The following SYN3 variants were observed in gnomAD, a reference collection of about 807,000 sequenced individuals.
The protein encoded by SYN3 is synapsin-3.
Under a neutral mutation model 65.8 loss-of-function variants are expected in SYN3, and 35 were observed. The ratio of observed to expected loss-of-function variants is 0.53; its 90% CI spans 0.41 to 0.70. SYN3 has a LOEUF of 0.70. Among genes scored for constraint, SYN3 ranks in the 30% least tolerant of loss-of-function variants. The probability of loss-of-function intolerance (pLI) is 0.00; values close to 1 mark genes in which losing one functional copy is unlikely to be tolerated. For missense variants in SYN3, 680 were observed against 749.0 expected (o/e 0.91, Z 1.08); for synonymous variants, 270 against 292.9 (o/e 0.92, Z 0.80).
At chr22:33,007,410 A>G (rs575433684) in intron 1 of SYN3, among the ~76,000 whole-genome samples, 2 of 152,206 alleles carry the variant, frequency 1.3e-5, no homozygotes, top group African/African-American at 2.4e-5. Flanking sequence ...TATTTTTCTA[A>G]TTTTCTAGAG....
chr22:32,569,537 ATCTCTCTCTCTC>A (rs142418236), intron 7 of SYN3, among the ~76,000 whole-genome samples: 4,231 of 113,496 alleles, frequency 0.037, 225 homozygotes, highest in African/African-American at 0.12. Context: ...AAATCAATCA[ATCTCTCTCTCTC>A]TCTCTCTCTC....
chr22:32,897,192 G>A (rs1045863788), intron 4 of SYN3, among the ~76,000 whole-genome samples: 14 of 152,116 alleles, frequency 9.2e-5, no homozygotes, highest in East Asian at 5.8e-4. Context: ...ACCTGGACCC[G>A]GCGCCCATGG....
At chr22:33,055,933 T>A (rs1322663408) in intron 1 of SYN3, among the ~76,000 whole-genome samples, 1 of 152,228 alleles carries the variant, frequency 6.6e-6, no homozygotes, top group African/African-American at 2.4e-5. Context: ...GATGAATGAA[T>A]GATTAATCAA....
chr22:32,858,188 C>T lies in SYN3; in HGVS notation c.711+6727G>A, dbSNP rs372614802. On this transcript the variant is annotated intron_variant, in intron 6 of 13. Transcript: ENST00000358763. ...AGGAGGGGAGGTGCTGACTTGCAGC[C>T]CTAGAAACATCAGCTCCCAATGCAC... 33 of 1,606,362 alleles carry T rather than the reference C, an allele frequency of 2.1e-5. No individual in the cohort carries two copies. The Admixed American group carries it at 2.2e-4, about 11-fold the overall frequency.
rs5749501 is a variant in SYN3, at chr22:32,745,511, T to C, written c.711+119404A>G. Among the ~76,000 whole-genome samples the C allele has an allele frequency of 6.0e-4, 91 of 152,338 alleles. No homozygotes were observed. The South Asian group carries it at 0.013, about 22-fold the overall frequency. On this transcript the variant is annotated intron_variant, in intron 6 of 13. Coordinates refer to ENST00000358763, the MANE Select transcript of SYN3 (RefSeq NM_003490.4). ...AATGTGCAGCTTTGGGCAGGGGCCT[T>C]GTCAGATTCCCTCAGTAGCTTCCCC...
At chr22:32,578,776 A>G (rs558650950) in intron 7 of SYN3, among the ~76,000 whole-genome samples, 1 of 152,320 alleles carries the variant, frequency 6.6e-6, no homozygotes, top group African/African-American at 2.4e-5. Context: ...TATTGTACAC[A>G]TTTTTGGAAA....
In SYN3 at chr22:32,599,731, T is replaced by C. The variant is rs1056733987; in HGVS notation, c.712-2995A>G. On this transcript the variant is annotated intron_variant, in intron 6 of 13. Transcript: ENST00000358763. ...AATAAATGCTCCCCACCCCCCATGATAGTGATCAATAAAATAATATCAAAT... is the reference window on the plus strand; with the variant it reads ...AATAAATGCTCCCCACCCCCCATGACAGTGATCAATAAAATAATATCAAAT... Among the ~76,000 whole-genome samples, 6 of 152,272 alleles carry C rather than the reference T, an allele frequency of 3.9e-5. No homozygotes were observed. In the South Asian group the frequency reaches 8.3e-4, roughly 21 times the overall value.
chr22:32,510,302 C>T lies in SYN3; in HGVS notation c.*3390G>A, dbSNP rs1049279301. On this transcript the variant is annotated 3_prime_UTR_variant, in exon 14 of 14. Transcript: ENST00000358763. ...AGATGCAGGTTCTGGGTCCTGTGACCAGAAATTCGGACTCCTTTAGTCCGA... is the reference window on the plus strand; with the variant it reads ...AGATGCAGGTTCTGGGTCCTGTGACTAGAAATTCGGACTCCTTTAGTCCGA... Among the ~76,000 whole-genome samples the T allele has an allele frequency of 5.9e-5, 9 of 152,222 alleles. No individual in the cohort carries two copies. Among genetic ancestry groups the T allele is most frequent in the African/African-American group, 2.2e-4 (9 of 41,448 alleles).
At chr22:32,643,064 T>C (rs2059926217) in intron 6 of SYN3, among the ~76,000 whole-genome samples, 2 of 151,928 alleles carry the variant, frequency 1.3e-5, no homozygotes, top group South Asian at 4.1e-4. Flanking sequence ...TTGAGGAAGT[T>C]ATTTGTTTGT....
chr22:32,743,553 T>C (rs2044838913), intron 6 of SYN3, among the ~76,000 whole-genome samples: 1 of 152,020 alleles, frequency 6.6e-6, no homozygotes, highest in African/African-American at 2.4e-5. Flanking sequence ...CCCACCTGCT[T>C]GGGAAGAGGT....
intron 3 of SYN3, among the ~76,000 whole-genome samples, chr22:32,969,856 C>T (rs570234009): frequency 2.0e-5 from 3 of 152,272 alleles, no homozygotes; most frequent in Admixed American, 6.5e-5. Context: ...ATCAAAGAGA[C>T]GTTAGAAATG....
chr22:32,586,835 G>A (rs1421021087), intron 7 of SYN3, among the ~76,000 whole-genome samples: 2 of 152,168 alleles, frequency 1.3e-5, no homozygotes, highest in Non-Finnish European at 2.9e-5. Context: ...CAACTTCATT[G>A]CAGAGGATGT....
chr22:32,958,322 G>A (rs1182131133), intron 3 of SYN3, among the ~76,000 whole-genome samples: 1 of 152,182 alleles, frequency 6.6e-6, no homozygotes, highest in East Asian at 1.9e-4. Context: ...GTCCGGAATG[G>A]CCTCCCAGTG....
At chr22:32,727,093 T>G (rs1370562450) in intron 6 of SYN3, among the ~76,000 whole-genome samples, 1 of 152,080 alleles carries the variant, frequency 6.6e-6, no homozygotes, top group Non-Finnish European at 1.5e-5. Flanking sequence ...ACCTAGGTAT[T>G]AAGCCCAGCA....
intron 6 of SYN3, chr22:32,802,196 G>C (rs2046607022): frequency 5.3e-6 from 8 of 1,521,722 alleles, no homozygotes; most frequent in Non-Finnish European, 7.0e-6. Flanking sequence ...GAGGCAGGGC[G>C]AGCCCCACTC....
intron 6 of SYN3, among the ~76,000 whole-genome samples, chr22:32,828,463 G>A (rs1362198683): frequency 6.6e-6 from 1 of 152,230 alleles, no homozygotes; most frequent in African/African-American, 2.4e-5. Flanking sequence ...CCCTGGCTGG[G>A]TGCTGTGCAC....
At chr22:32,998,600 C>T (rs1024262179) in intron 2 of SYN3, among the ~76,000 whole-genome samples, 3 of 151,920 alleles carry the variant, frequency 2.0e-5, no homozygotes, top group Non-Finnish European at 2.9e-5. Flanking sequence ...AGCTTCTATT[C>T]GCTGCTCCCC....
intron 2 of SYN3, among the ~76,000 whole-genome samples, chr22:32,992,089 A>G (rs980055618): frequency 1.4e-5 from 2 of 139,204 alleles, no homozygotes; most frequent in African/African-American, 5.0e-5. Context: ...GGCCTGGGCC[A>G]GAAAACCAGG....
chr22:32,665,482 A>AGT (rs532257937), intron 6 of SYN3, among the ~76,000 whole-genome samples: 75 of 122,350 alleles, frequency 6.1e-4, no homozygotes, highest in African/African-American at 1.8e-3. Context: ...AGTATGCCAC[A>AGT]GTGTGTGTAT....
Sources: allele counts gnomAD v4.1 joint callset (sites outside exome capture counted in the v4.1 genomes callset), GRCh38; gene constraint gnomAD v4.1.1; transcripts MANE v1.5; gene names NCBI Gene and HGNC (gene_info 2026-07-23, HGNC 2026-07-21).